LRRC37A2: variants seen among roughly 807,000 people sequenced by gnomAD.
LRRC37A2 encodes leucine-rich repeat-containing protein 37A2.
A neutral mutation model predicts 68.8 loss-of-function variants in LRRC37A2; 9 were observed. The ratio of observed to expected loss-of-function variants is 0.13; its 90% CI spans 0.08 to 0.23. The LOEUF (loss-of-function observed/expected upper bound fraction) is 0.23. Among genes scored for constraint, LRRC37A2 ranks in the 10% least tolerant of loss-of-function variants. LRRC37A2 has a pLI of 1.00. For synonymous variants in LRRC37A2, 63 were observed against 367.6 expected (o/e 0.17, Z 9.48); for missense variants, 168 against 950.4 (o/e 0.18, Z 10.82).
At chr17:46,715,588 G>A in the LRRC37A2 span, among the ~76,000 whole-genome samples, 1 of 152,210 alleles carries the variant, frequency 6.6e-6, no homozygotes, top group African/African-American at 2.4e-5. Context: ...ACTCTGAGAT[G>A]TGGGTGGATG....
At chr17:46,751,124 G>A in the LRRC37A2 span, among the ~76,000 whole-genome samples, 1 of 152,300 alleles carries the variant, frequency 6.6e-6, no homozygotes, top group East Asian at 1.9e-4. Context: ...GGTTACCCAT[G>A]TAGACAGCTT....
At chr17:46,974,849 A>G in the LRRC37A2 span, among the ~76,000 whole-genome samples, 4 of 152,174 alleles carry the variant, frequency 2.6e-5, no homozygotes, top group Non-Finnish European at 4.4e-5. Context: ...CATCTGTACA[A>G]TGGGAGGAGC....
chr17:46,388,376 T>C, the LRRC37A2 span, among the ~76,000 whole-genome samples: 1 of 53,708 alleles, frequency 1.9e-5, no homozygotes, highest in Admixed American at 1.7e-4. Flanking sequence ...TGGAGAAACC[T>C]CGTCTCTACT....
the LRRC37A2 span, among the ~76,000 whole-genome samples, chr17:46,741,116 A>G: frequency 1.3e-5 from 2 of 152,170 alleles, no homozygotes; most frequent in African/African-American, 4.8e-5. Flanking sequence ...GAAAATAGCA[A>G]TGAGGCCTGA....
At chr17:46,842,068 C>A in the LRRC37A2 span, among the ~76,000 whole-genome samples, 1 of 152,196 alleles carries the variant, frequency 6.6e-6, no homozygotes, top group Non-Finnish European at 1.5e-5. Context: ...GAGGCCTCCC[C>A]CTCCATCCCT....
chr17:46,926,052 C>A, the LRRC37A2 span, among the ~76,000 whole-genome samples: 1 of 152,172 alleles, frequency 6.6e-6, no homozygotes. Context: ...AGAAGCACTA[C>A]ATTTAACAAG....
the LRRC37A2 span, among the ~76,000 whole-genome samples, chr17:46,953,259 C>G: frequency 2.6e-5 from 4 of 151,888 alleles, no homozygotes; most frequent in Non-Finnish European, 5.9e-5. Context: ...CATGTGTTCT[C>G]ATTGTTCAAT....
chr17:46,736,853 C>T, the LRRC37A2 span, among the ~76,000 whole-genome samples: 12 of 152,226 alleles, frequency 7.9e-5, no homozygotes, highest in Admixed American at 5.9e-4. Flanking sequence ...TGTGCAAGTG[C>T]CTCCTAACTC....
the LRRC37A2 span, among the ~76,000 whole-genome samples, chr17:46,904,382 C>T: frequency 8.1e-3 from 1,139 of 140,732 alleles, 25 homozygotes; most frequent in African/African-American, 0.029. Context: ...GGGTGGCTGA[C>T]TGGCTGGCTG....
At chr17:46,955,994 G>C in the LRRC37A2 span, among the ~76,000 whole-genome samples, 1 of 152,144 alleles carries the variant, frequency 6.6e-6, no homozygotes, top group Non-Finnish European at 1.5e-5. Context: ...ATCAGACTGG[G>C]AATGGAAAAT....
chr17:46,793,568 C>T, the LRRC37A2 span, among the ~76,000 whole-genome samples: 1 of 152,224 alleles, frequency 6.6e-6, no homozygotes, highest in South Asian at 2.1e-4. Context: ...AGAGGAGACC[C>T]CCGACCTGAG....
the LRRC37A2 span, among the ~76,000 whole-genome samples, chr17:46,906,771 G>C: frequency 6.6e-6 from 1 of 152,088 alleles, no homozygotes; most frequent in African/African-American, 2.4e-5. Flanking sequence ...CACCCATCTA[G>C]TAAGCAGCAG....
At chr17:46,953,779 C>G in the LRRC37A2 span, among the ~76,000 whole-genome samples, 1 of 152,222 alleles carries the variant, frequency 6.6e-6, no homozygotes, top group African/African-American at 2.4e-5. Flanking sequence ...TTGCATTTCT[C>G]TGATGGCCAG....
the LRRC37A2 span, chr17:46,713,332 G>A: frequency 6.5e-6 from 1 of 153,186 alleles, no homozygotes; most frequent in Non-Finnish European, 1.5e-5. Context: ...TCCAAAACAG[G>A]GAAGGGAAGG....
At chr17:46,792,353 G>A in the LRRC37A2 span, among the ~76,000 whole-genome samples, 1 of 152,194 alleles carries the variant, frequency 6.6e-6, no homozygotes, top group Non-Finnish European at 1.5e-5. Context: ...AATAAGATAA[G>A]GTGGGGTACA....
At chr17:46,802,993 G>T in the LRRC37A2 span, among the ~76,000 whole-genome samples, 1 of 152,170 alleles carries the variant, frequency 6.6e-6, no homozygotes, top group Non-Finnish European at 1.5e-5. Context: ...CTGGGGCTTG[G>T]GATTGCTACT....
chr17:46,816,485 A>ATG, the LRRC37A2 span, among the ~76,000 whole-genome samples: 1 of 101,362 alleles, frequency 9.9e-6, no homozygotes, highest in Non-Finnish European at 2.3e-5. Flanking sequence ...GCACACACAC[A>ATG]CACACACACA....
the LRRC37A2 span, among the ~76,000 whole-genome samples, chr17:46,949,663 G>A: frequency 6.6e-6 from 1 of 152,194 alleles, no homozygotes; most frequent in African/African-American, 2.4e-5. Flanking sequence ...CGTCACACAG[G>A]TACAAGGTGC....
At chr17:46,439,423 G>T in the LRRC37A2 span, among the ~76,000 whole-genome samples, 2 of 139,024 alleles carry the variant, frequency 1.4e-5, no homozygotes, top group Non-Finnish European at 1.6e-5. Flanking sequence ...TTTTATAACT[G>T]GTTTTCTCCC....
Sources: gnomAD v4.1 joint callset for allele counts (sites outside exome capture counted in the v4.1 genomes callset) on GRCh38, gnomAD v4.1.1 for gene constraint, MANE v1.5 for transcripts, NCBI Gene and HGNC (gene_info 2026-07-23, HGNC 2026-07-21) for gene names.